TRANK1: variants seen among roughly 807,000 people sequenced by gnomAD.
The protein encoded by TRANK1 is tetratricopeptide repeat and ankyrin repeat containing 1, also known as TPR and ankyrin repeat-containing protein 1.
In TRANK1, 198 loss-of-function variants were observed where a neutral mutation model predicts 266.0. That is an observed-to-expected ratio of 0.74 (90% CI 0.66 to 0.84). TRANK1 has a LOEUF of 0.84. Among genes scored for constraint, TRANK1 ranks in the 40% least tolerant of loss-of-function variants. The probability of loss-of-function intolerance (pLI) is 0.00; values close to 1 mark genes in which losing one functional copy is unlikely to be tolerated. For synonymous variants in TRANK1, 1,396 were observed against 1,384.1 expected (o/e 1.01, Z -0.19); for missense variants, 3,326 against 3,634.6 (o/e 0.92, Z 2.18).
At chr3:36,926,462 G>A (rs1472894504) in intron 1 of TRANK1, among the ~76,000 whole-genome samples, 1 of 152,088 alleles carries the variant, frequency 6.6e-6, no homozygotes, top group Non-Finnish European at 1.5e-5. Flanking sequence ...CAAAAACACA[G>A]GTCTAGGAGA....
At chr3:36,896,702 A>G (rs2079795563) in intron 4 of TRANK1, among the ~76,000 whole-genome samples, 1 of 152,214 alleles carries the variant, frequency 6.6e-6, no homozygotes, top group South Asian at 2.1e-4. Flanking sequence ...TGACATTTAA[A>G]AGATGCAGAG....
Position 36,847,375 on chromosome 3 carries a change from A to G in TRANK1, c.4888-29T>C, listed in dbSNP as rs765654256. 22 of 1,611,336 alleles carry G rather than the reference A, an allele frequency of 1.4e-5. No homozygotes were observed. In the Admixed American group the frequency reaches 3.7e-4, roughly 27 times the overall value. On this transcript the variant is annotated intron_variant, in intron 15 of 23. Transcript: ENST00000645898. ...AACAACAACAAAAAAGTGAAGACCA[A>G]CAGAATATGCTTTTGAACTACGCAT...
intron 4 of TRANK1, among the ~76,000 whole-genome samples, chr3:36,898,849 CAAAA>C (rs57126220): frequency 8.9e-6 from 1 of 112,894 alleles, no homozygotes. Flanking sequence ...GACTCTGTCT[CAAAA>C]AAAAAAAAAA....
chr3:36,919,169 C>A (rs7622114), intron 1 of TRANK1, among the ~76,000 whole-genome samples: 88,144 of 151,968 alleles, frequency 0.58, 25,658 homozygotes, highest in East Asian at 0.64. Flanking sequence ...GAGGCAAAAC[C>A]TAGTATAATG....
Position 36,847,265 on chromosome 3 carries a change from CT to C in TRANK1, c.4968del (p.Val1657TyrfsTer16). The stretch of plus-strand genomic sequence containing the variant: ...GAAGAGCCTGGTTTGTCCAGGGGTA[CT>C]TCAACCAATGGCCGGTTTTCCTCTC... ...DSREENRPLV[E>X]VPLDKPGSSQ... On this transcript the variant is annotated frameshift_variant, in exon 16 of 24. Transcript: ENST00000645898. LOFTEE classifies it high-confidence loss of function. 6.2e-7 allele frequency: 1 copy of C among 1,613,600 alleles called. No homozygotes were observed. Among genetic ancestry groups the C allele is most frequent in the Non-Finnish European group, 8.5e-7 (1 of 1,179,746 alleles).
chr3:36,850,703 T>TG (rs1271150043), intron 15 of TRANK1: 1 of 977,414 alleles, frequency 1.0e-6, no homozygotes, highest in East Asian at 1.1e-4. Flanking sequence ...CAAAAAGTAC[T>TG]CTGTAAACTG....
In TRANK1 at chr3:36,855,951, C is replaced by A. The variant is rs766014960; in HGVS notation, c.3771G>T (p.Leu1257=). The part of the protein sequence containing the change: ...KQLLLLLDAS[L]PKPFFLRNED... ...CGTTTCTCAGAAAAAATGGTTTGGG[C>A]AGAGAAGCATCAAGCAGAAGAAGCA... is the stretch of plus-strand genomic sequence containing the variant. The change falls in exon 13 of 24, where the codon CTG becomes CTT. Residue 1257 remains leucine, a synonymous_variant. Transcript: ENST00000645898. The A allele has an allele frequency of 6.2e-7, 1 of 1,613,180 alleles. No homozygotes were observed. Among genetic ancestry groups the A allele is most frequent in the African/African-American group, 1.3e-5 (1 of 74,638 alleles).
chr3:36,858,770 C>T lies in TRANK1; in HGVS notation c.1620G>A (p.Thr540=), dbSNP rs997213384. ...CTGCATGCAAAGGAGTATCACCTTC[C>T]GTGAGAGAAATAGCACGGGGGTCTG... The part of the protein sequence containing the change: ...KGADPRAISL[T]EGDTPLHAAL... The change falls in exon 12 of 24, where the codon ACG becomes ACA. Residue 540 remains threonine (T), a synonymous_variant. Transcript: ENST00000645898. 203 of 1,536,914 alleles carry T rather than the reference C, an allele frequency of 1.3e-4. 1 individual carries two copies. Among genetic ancestry groups the T allele is most frequent in the Admixed American group, 3.5e-4 (18 of 50,966 alleles).
At chr3:36,876,897 C>G (rs1299257598) in intron 8 of TRANK1, among the ~76,000 whole-genome samples, 1 of 152,154 alleles carries the variant, frequency 6.6e-6, no homozygotes, top group Non-Finnish European at 1.5e-5. Context: ...AGGAGCTAAC[C>G]ATATCTAGAC....
intron 15 of TRANK1, chr3:36,849,984 C>G (rs1216889738): frequency 1.0e-6 from 1 of 980,596 alleles, no homozygotes; most frequent in Non-Finnish European, 1.2e-6. Context: ...GTCAAGATAC[C>G]TGAGCCTTGG....
chr3:36,945,381 C>T (rs2080558950), upstream of TRANK1, among the ~76,000 whole-genome samples: 1 of 152,160 alleles, frequency 6.6e-6, no homozygotes, highest in South Asian at 2.1e-4. Flanking sequence ...GTTCCTCCCT[C>T]CAACAAAGGA....
intron 2 of TRANK1, among the ~76,000 whole-genome samples, chr3:36,907,689 C>G (rs894250841): frequency 1.3e-5 from 2 of 151,918 alleles, no homozygotes; most frequent in African/African-American, 4.8e-5. Context: ...TGGTCTCGAT[C>G]TCCTGACCTC....
chr3:36,917,466 A>G (rs2080142417), intron 1 of TRANK1, among the ~76,000 whole-genome samples: 1 of 152,218 alleles, frequency 6.6e-6, no homozygotes, highest in Non-Finnish European at 1.5e-5. Context: ...CAGGAGACAC[A>G]GAGAACCATT....
intron 18 of TRANK1, among the ~76,000 whole-genome samples, chr3:36,842,236 A>C (rs2078853965): frequency 6.6e-6 from 1 of 152,264 alleles, no homozygotes; most frequent in Non-Finnish European, 1.5e-5. Flanking sequence ...ATCAATTTGA[A>C]AAAAATCAAA....
intron 15 of TRANK1, chr3:36,850,482 T>G: frequency 1.0e-6 from 1 of 985,384 alleles, no homozygotes. Context: ...ACCTTCTGCT[T>G]TATCTACAGA....
chr3:36,937,095 T>C (rs2080436418), intron 1 of TRANK1, among the ~76,000 whole-genome samples: 1 of 152,110 alleles, frequency 6.6e-6, no homozygotes, highest in Non-Finnish European at 1.5e-5. Flanking sequence ...AGGTTCCGTC[T>C]CAAAAAATAT....
chr3:36,860,913 G>C lies in TRANK1; in HGVS notation c.1488C>G (p.Asp496Glu), dbSNP rs1395580622. The change falls in exon 11 of 24, where the codon GAC (aspartate) becomes GAG (glutamate). Residue 496 changes from aspartate (D) to glutamate (E), a missense_variant. By Grantham distance (45) the Asp-to-Glu change is conservative. Coordinates refer to ENST00000645898, the MANE Select transcript of TRANK1 (RefSeq NM_001329998.2). The part of the protein sequence containing the change: ...RKKQLLGCLI[D>E]SGALPDGLQE... The stretch of plus-strand genomic sequence containing the variant: ...GCATCCAGTCACTCTCACCTCCACT[G>C]TCTATCAGGCAGCCCAGAAGCTGTT... 7 of 1,537,268 alleles carry C rather than the reference G, an allele frequency of 4.6e-6. No homozygotes were observed. Among genetic ancestry groups the C allele is most frequent in the African/African-American group, 4.1e-5 (3 of 73,052 alleles).
At position 36,832,538 on chromosome 3, in the gene TRANK1, T is replaced by A; in HGVS notation, c.7045A>T (p.Lys2349Ter). 6.2e-7 allele frequency: 1 copy of A among 1,613,986 alleles called. No individual in the cohort carries two copies. The highest frequency in any genetic ancestry group is 8.5e-7 in the Non-Finnish European group (1 of 1,179,890). ...TTGTCCTCCTCCTGGTGGAGCAGCT[T>A]TTCAAACTCCTCCGGGTAGTTGGAA... ...LSSNYPEEFE[K>*]LLHQEEDNYN... Residue 2349 changes from lysine (K) to a stop codon, truncating the protein, a stop_gained, in exon 22 of 24, where the codon AAG (lysine) becomes TAG (stop). Coordinates refer to ENST00000645898, the MANE Select transcript of TRANK1 (RefSeq NM_001329998.2). LOFTEE classifies it high-confidence loss of function.
Position 36,833,407 on chromosome 3 carries a change from G to A in TRANK1, c.6176C>T (p.Ser2059Leu). 6.2e-7 allele frequency: 1 copy of A among 1,613,852 alleles called. No homozygotes were observed. Among genetic ancestry groups the A allele is most frequent in the Non-Finnish European group, 8.5e-7 (1 of 1,179,816 alleles). ...AFFKFDTLNH[S>L]AGVVEALYEA... ...GTAGAGTGCTTCCACCACTCCAGCT[G>A]AGTGGTTGAGCGTGTCAAACTTGAA... The change falls in exon 22 of 24, where the codon TCA (serine) becomes TTA (leucine). Residue 2059 changes from serine (S) to leucine (L), a missense_variant. Physicochemically the swap from Ser to Leu is moderately radical, Grantham distance 145. Coordinates refer to ENST00000645898, the MANE Select transcript of TRANK1 (RefSeq NM_001329998.2).
Sources: gnomAD v4.1 joint callset for allele counts (sites outside exome capture counted in the v4.1 genomes callset) on GRCh38, gnomAD v4.1.1 for gene constraint, MANE v1.5 for transcripts, NCBI Gene and HGNC (gene_info 2026-07-23, HGNC 2026-07-21) for gene names.